Variants in NIPAL2 observed in about 807,000 individuals in gnomAD.
NIPAL2 encodes NIPA-like protein 2.
NIPAL2 carries 43 observed loss-of-function variants against 48.9 expected under a neutral mutation model. The observed-to-expected ratio is 0.88, with a 90% CI of 0.69 to 1.13. The LOEUF is 1.13. NIPAL2 is among the 50% of genes most tolerant of loss of function. NIPAL2 has a pLI of 0.00. For synonymous variants in NIPAL2, 167 were observed against 174.6 expected (o/e 0.96, Z 0.34); for missense variants, 446 against 461.4 (o/e 0.97, Z 0.31).
At position 98,203,088 on chromosome 8, in the gene NIPAL2, T is replaced by C. The variant is rs376671306; in HGVS notation, c.880+20A>G. On this transcript the variant is annotated intron_variant, in intron 8 of 10. Coordinates refer to ENST00000430223, the MANE Select transcript of NIPAL2 (RefSeq NM_001321635.2). ...TCATTTATGCTTGGAATCACCAATGTATAGAAAACCAAAACTCACCTGCAA... is the reference window on the plus strand; with the variant it reads ...TCATTTATGCTTGGAATCACCAATGCATAGAAAACCAAAACTCACCTGCAA... 5.1e-6 allele frequency: 8 copies of C among 1,559,578 alleles called. No homozygotes were observed. In the African/African-American group the frequency reaches 9.5e-5, roughly 18 times the overall value.
intron 5 of NIPAL2, among the ~76,000 whole-genome samples, chr8:98,217,832 T>G (rs962530089): frequency 2.0e-5 from 3 of 152,316 alleles, no homozygotes; most frequent in East Asian, 1.9e-4. Flanking sequence ...CAAATATACT[T>G]TCTTTATCTT....
At chr8:98,257,335 TTTTC>T (rs1323974809) in intron 1 of NIPAL2, among the ~76,000 whole-genome samples, 11 of 141,492 alleles carry the variant, frequency 7.8e-5, no homozygotes, top group African/African-American at 2.8e-4. Context: ...CTATATATTT[TTTTC>T]TTTCTTTCTT....
chr8:98,246,657 T>A (rs752706882), intron 3 of NIPAL2, among the ~76,000 whole-genome samples: 5 of 152,230 alleles, frequency 3.3e-5, no homozygotes, highest in Non-Finnish European at 5.9e-5. Flanking sequence ...AATATTAGTT[T>A]CTTACCTTTA....
chr8:98,262,310 T>C (rs1453762775), intron 1 of NIPAL2, among the ~76,000 whole-genome samples: 2 of 150,556 alleles, frequency 1.3e-5, no homozygotes, highest in Admixed American at 1.3e-4. Flanking sequence ...GACTAAATGC[T>C]CCAATTAAAA....
At chr8:98,278,002 A>G (rs922640558) in intron 1 of NIPAL2, among the ~76,000 whole-genome samples, 5 of 152,158 alleles carry the variant, frequency 3.3e-5, no homozygotes, top group African/African-American at 1.2e-4. Flanking sequence ...AATTCTTTGA[A>G]TTGCAAACTC....
intron 3 of NIPAL2, among the ~76,000 whole-genome samples, chr8:98,240,856 A>G (rs1191902289): frequency 1.3e-5 from 2 of 152,194 alleles, no homozygotes; most frequent in Non-Finnish European, 2.9e-5. Flanking sequence ...TGGGATGTAG[A>G]ACACCTGGGT....
rs997135046 is a variant in NIPAL2, at chr8:98,190,670, C to T, written c.*2308G>A. The T allele has an allele frequency of 3.9e-5, 6 of 152,212 alleles. No individual in the cohort carries two copies. The highest frequency in any genetic ancestry group is 1.4e-4 in the African/African-American group (6 of 41,428). The allele number at this position is 152,212 out of a possible 1,614,324, so 9.4% of individuals were successfully genotyped here. A position where few individuals can be genotyped will look rare whatever the true frequency, so the allele number is the denominator to read the frequency against. ...CACAGCCATGCTCTTCTGTTTACAT[C>T]TTGTCTATGGCTGCTTTAGTGCTAC... On this transcript the variant is annotated 3_prime_UTR_variant, in exon 11 of 11. Transcript: ENST00000430223.
chr8:98,263,334 C>G (rs1047172634), intron 1 of NIPAL2, among the ~76,000 whole-genome samples: 22 of 150,132 alleles, frequency 1.5e-4, no homozygotes, highest in Non-Finnish European at 3.0e-5. Context: ...ATTAATGAAT[C>G]CAGGAGCTGG....
At chr8:98,216,521 A>G (rs1331004785) in intron 5 of NIPAL2, among the ~76,000 whole-genome samples, 1 of 152,246 alleles carries the variant, frequency 6.6e-6, no homozygotes, top group Non-Finnish European at 1.5e-5. Flanking sequence ...CTATAAAAAC[A>G]TACAGTTTTC....
chr8:98,215,707 T>C (rs762956804), intron 5 of NIPAL2, among the ~76,000 whole-genome samples: 6 of 152,208 alleles, frequency 3.9e-5, no homozygotes, highest in Non-Finnish European at 7.3e-5. Flanking sequence ...GATGTTACTT[T>C]ACACAGCAAA....
intron 4 of NIPAL2, among the ~76,000 whole-genome samples, chr8:98,228,801 G>A (rs1812301444): frequency 1.3e-5 from 2 of 152,194 alleles, no homozygotes; most frequent in Non-Finnish European, 2.9e-5. Flanking sequence ...TCTCTAAGGA[G>A]ATAACCCAAT....
chr8:98,285,789 AG>A (rs1816120931), intron 1 of NIPAL2, among the ~76,000 whole-genome samples: 1 of 152,042 alleles, frequency 6.6e-6, no homozygotes, highest in Non-Finnish European at 1.5e-5. Context: ...CATTCATGGT[AG>A]GGAAGCCGAA....
intron 8 of NIPAL2, among the ~76,000 whole-genome samples, chr8:98,202,487 C>T (rs1005426237): frequency 6.6e-5 from 10 of 152,124 alleles, no homozygotes; most frequent in African/African-American, 2.2e-4. Context: ...GGATCCTTCA[C>T]GAATGGTTTG....
intron 8 of NIPAL2, among the ~76,000 whole-genome samples, chr8:98,197,875 T>C (rs1421618003): frequency 6.6e-6 from 1 of 152,232 alleles, no homozygotes; most frequent in African/African-American, 2.4e-5. Context: ...GTCTTGAACC[T>C]TTCAAAATCA....
intron 3 of NIPAL2, among the ~76,000 whole-genome samples, chr8:98,244,346 G>C (rs62524191): frequency 1.4e-4 from 6 of 44,304 alleles, no homozygotes; most frequent in Non-Finnish European, 2.5e-4. Context: ...AATGATGAGA[G>C]GGTGGGCGTG....
Position 98,252,557 on chromosome 8 carries a change from G to C in NIPAL2, c.282C>G (p.Val94=). The C allele has an allele frequency of 6.2e-7, 1 of 1,614,078 alleles. No homozygotes were observed. The highest frequency in any genetic ancestry group is 8.5e-7 in the Non-Finnish European group (1 of 1,180,002). The stretch of plus-strand genomic sequence containing the variant: ...CCGTCTCTCCCACGGCCATCAGCAG[G>C]ACACCACCCCACCACAGCACACTCT... The part of the protein sequence containing the change: ...YFKSVLWWGG[V]LLMAVGETGN... Residue 94 remains valine, a synonymous_variant, in exon 3 of 11, where the codon GTC becomes GTG. Transcript: ENST00000430223.
At chr8:98,251,308 T>C (rs1237072579) in intron 3 of NIPAL2, among the ~76,000 whole-genome samples, 1 of 152,210 alleles carries the variant, frequency 6.6e-6, no homozygotes, top group African/African-American at 2.4e-5. Context: ...ATCATATAAC[T>C]AGATCTTTTA....
In NIPAL2 at chr8:98,267,981, A is replaced by G. The variant is rs919206198; in HGVS notation, c.136-13894T>C. The stretch of plus-strand genomic sequence containing the variant: ...CACGTCCTAAGAAACCACGAAAAGA[A>G]GATTGTCCTTTCTTCAGTCCGAGTC... On this transcript the variant is annotated intron_variant, in intron 1 of 10. Transcript: ENST00000430223. Among the ~76,000 whole-genome samples the G allele has an allele frequency of 5.3e-5, 8 of 152,332 alleles. No individual in the cohort carries two copies. In the South Asian group the frequency reaches 1.5e-3, roughly 28 times the overall value.
intron 3 of NIPAL2, among the ~76,000 whole-genome samples, chr8:98,250,103 GTC>G (rs372232074): frequency 2.1e-4 from 32 of 150,484 alleles, no homozygotes; most frequent in Admixed American, 2.6e-4. Context: ...GATTTTAATA[GTC>G]TCTCTCTCTC....
Sources: gnomAD v4.1 joint callset for allele counts (sites outside exome capture counted in the v4.1 genomes callset) on GRCh38, gnomAD v4.1.1 for gene constraint, MANE v1.5 for transcripts, NCBI Gene and HGNC (gene_info 2026-07-23, HGNC 2026-07-21) for gene names.